ZMYM3: variants seen among roughly 807,000 people sequenced by gnomAD.
ZMYM3 encodes the protein zinc finger MYM-type containing 3, also known as zinc finger MYM-type protein 3.
A neutral mutation model predicts 94.2 loss-of-function variants in ZMYM3; 6 were observed. The observed-to-expected ratio is 0.06, with a 90% CI of 0.03 to 0.13. The LOEUF is 0.13. ZMYM3 is among the 10% of genes least tolerant of loss of function. ZMYM3 has a pLI of 1.00. For missense variants in ZMYM3, 664 were observed against 1,132.6 expected (o/e 0.59, Z 5.94); for synonymous variants, 420 against 426.5 (o/e 0.98, Z 0.19).
chrX:71,251,877 T>C (rs1399823144), intron 2 of ZMYM3: 26 of 749,126 alleles, frequency 3.5e-5, no homozygotes, highest in Non-Finnish European at 3.9e-5. Flanking sequence ...ACACAGGTAA[T>C]ATACCTTTCA....
In ZMYM3 at chrX:71,253,124, T is replaced by G. The variant is rs1442749014; in HGVS notation, c.132A>C (p.Gly44=). ...LLESQTAPTR[G]WAPPGPSPSS... is the part of the protein sequence containing the mutation. ...ATGGAGAAGGGCCAGGGGGGGCCCA[T>G]CCTCGAGTTGGGGCAGTCTGGGATT... Residue 44 remains glycine, a synonymous_variant, in exon 2 of 25, where the codon GGA becomes GGC. Coordinates refer to ENST00000314425, the MANE Select transcript of ZMYM3 (RefSeq NM_201599.3). The G allele has an allele frequency of 1.7e-6, 2 of 1,205,228 alleles. No individual in the cohort carries two copies. The highest frequency in any genetic ancestry group is 2.2e-6 in the Non-Finnish European group (2 of 892,189).
rs1363935532 is a variant in ZMYM3, at chrX:71,241,389, C to T, written c.3803-45G>A. ...TTCAGACTCATTAAGAACACAGGCTCCATGAGCCACATCCAAGAGCACAGT... is the reference window on the plus strand; with the variant it reads ...TTCAGACTCATTAAGAACACAGGCTTCATGAGCCACATCCAAGAGCACAGT... On this transcript the variant is annotated intron_variant, in intron 23 of 24. Coordinates refer to ENST00000314425, the MANE Select transcript of ZMYM3 (RefSeq NM_201599.3). 3.9e-6 allele frequency: 4 copies of T among 1,025,194 alleles called. No homozygotes were observed. In the East Asian group the frequency reaches 1.3e-4, roughly 33 times the overall value. 84.5% of individuals were successfully genotyped at this position (1,025,194 alleles called of 1,213,427 possible). A position where few individuals can be genotyped will look rare whatever the true frequency, so the allele number is the denominator to read the frequency against.
intron 19 of ZMYM3, 47 bp from the exon 20 acceptor site, chrX:71,244,517 G>A (rs2030078807): frequency 7.6e-6 from 9 of 1,184,837 alleles, no homozygotes; most frequent in Non-Finnish European, 1.0e-5. Context: ...AAGGCCAGAG[G>A]CAAGGTGAAA....
chrX:71,249,029 T>C lies in ZMYM3; in HGVS notation c.1611A>G (p.Ala537=), dbSNP rs1033294537. 2 of 1,211,537 alleles carry C rather than the reference T, an allele frequency of 1.7e-6. No individual in the cohort carries two copies. The highest frequency in any genetic ancestry group is 2.2e-6 in the Non-Finnish European group (2 of 895,504). The part of the protein sequence containing the change: ...CCTTSYKVKQ[A]GLTGPPRPCS... Reference sequence around the variant, plus strand: ...GGGCTTTGCACCTACCAGTGAGCCCTGCCTGCTTCACTTTGTAAGAAGTGG... The same window carrying C: ...GGGCTTTGCACCTACCAGTGAGCCCCGCCTGCTTCACTTTGTAAGAAGTGG... Residue 537 remains alanine (A), a synonymous_variant, in exon 8 of 25, where the codon GCA becomes GCG. Transcript: ENST00000314425.
intron 20 of ZMYM3, 52 bp downstream of exon 20, chrX:71,244,250 C>A: frequency 8.5e-7 from 1 of 1,172,032 alleles, no homozygotes. Context: ...TCCCCTTTCC[C>A]CTCCTCCTCC....
chrX:71,242,156 G>A lies in ZMYM3; in HGVS notation c.3802+14C>T. The A allele has an allele frequency of 8.5e-7, 1 of 1,170,074 alleles. No individual in the cohort carries two copies. Among genetic ancestry groups the A allele is most frequent in the Non-Finnish European group, 1.1e-6 (1 of 874,081 alleles). On this transcript the variant is annotated intron_variant, in intron 23 of 24. Transcript: ENST00000314425. ...AGAAGGGGCAAAAGCACAGGGGAGG[G>A]GGCAGCCTCGTACCTCGCCCTTTCC...
chrX:71,255,077 A>G (rs1602372472), upstream of ZMYM3: 1 of 74,941 alleles, frequency 1.3e-5, no homozygotes, highest in Non-Finnish European at 2.5e-5. Flanking sequence ...CTCCCTCACC[A>G]GGGCTGATCT....
At position 71,251,542 on chromosome X, in the gene ZMYM3, A is replaced by C; in HGVS notation, c.711+16T>G. On this transcript the variant is annotated intron_variant, in intron 3 of 24. Coordinates refer to ENST00000314425, the MANE Select transcript of ZMYM3 (RefSeq NM_201599.3). ...CTAAGGGGGAACCAGACTCCTTCCA[A>C]TCCCCTCCCCCTCACCCGTTCAGGC... 8.4e-7 allele frequency: 1 copy of C among 1,184,398 alleles called. No homozygotes were observed. The highest frequency in any genetic ancestry group is 1.1e-6 in the Non-Finnish European group (1 of 881,854).
chrX:71,251,254 G>A lies in ZMYM3; in HGVS notation c.712-10C>T, dbSNP rs1372881959. 8.4e-7 allele frequency: 1 copy of A among 1,197,409 alleles called. No homozygotes were observed. The highest frequency in any genetic ancestry group is 1.8e-5 in the African/African-American group (1 of 54,979). On this transcript the variant is annotated splice_polypyrimidine_tract_variant and intron_variant, in intron 3 of 24. Coordinates refer to ENST00000314425, the MANE Select transcript of ZMYM3 (RefSeq NM_201599.3). ...CGCGCTCGCTTCTCTTCTGTACCTC[G>A]GAAAGATGGGAGGGGAGGAAAACTG...
intron 4 of ZMYM3, 145 bp from the exon 5 acceptor site, chrX:71,250,871 C>T: frequency 1.7e-6 from 1 of 603,248 alleles, no homozygotes; most frequent in South Asian, 3.0e-5. Flanking sequence ...ATCTTAAGAC[C>T]TTGGTGTCTC....
At position 71,250,451 on chromosome X, in the gene ZMYM3, T is replaced by C; in HGVS notation, c.1054A>G (p.Thr352Ala). The C allele has an allele frequency of 8.3e-7, 1 of 1,209,621 alleles. No individual in the cohort carries two copies. The highest frequency in any genetic ancestry group is 1.1e-6 in the Non-Finnish European group (1 of 894,470). Residue 352 changes from threonine (T) to alanine (A), a missense_variant, in exon 5 of 25, where the codon ACC becomes GCC. This residue lies in a region of ZMYM3 where 51 missense variants were observed against 53.0 expected (regional missense o/e 0.96). Coordinates refer to ENST00000314425, the MANE Select transcript of ZMYM3 (RefSeq NM_201599.3). ...ACGCACTTCTTGCAGAAGGTACAGGTCTTTTTGCCCGAGGGCTTCTTGGAG... is the reference window on the plus strand; with the variant it reads ...ACGCACTTCTTGCAGAAGGTACAGGCCTTTTTGCCCGAGGGCTTCTTGGAG... ...TFSKKPSGKK[T>A]CTFCKKEIWN...
Position 71,253,058 on chromosome X carries a change from C to T in ZMYM3, c.198G>A (p.Leu66=). Residue 66 remains leucine (L), a synonymous_variant, in exon 2 of 25, where the codon CTG becomes CTA. Coordinates refer to ENST00000314425, the MANE Select transcript of ZMYM3 (RefSeq NM_201599.3). ...CATCCAGGACTCCAGGGTCTTTTTC[C>T]AGGCCAGCAGGGGTATCAAGCAGGT... ...ALDLLDTPAG[L]EKDPGVLDGA... The T allele has an allele frequency of 8.3e-7, 1 of 1,198,305 alleles. No individual in the cohort carries two copies. The highest frequency in any genetic ancestry group is 1.1e-6 in the Non-Finnish European group (1 of 888,451).
intron 13 of ZMYM3, 140 bp from the exon 14 acceptor site, chrX:71,246,832 G>T: frequency 1.9e-6 from 1 of 529,284 alleles, no homozygotes; most frequent in Non-Finnish European, 3.0e-6. Flanking sequence ...TGCCATCCCA[G>T]ATCTAGTCTC....
rs1162485600 is a variant in ZMYM3, at chrX:71,252,988, G to T, written c.268C>A (p.Pro90Thr). 8.3e-7 allele frequency: 1 copy of T among 1,207,879 alleles called. No homozygotes were observed. The highest frequency in any genetic ancestry group is 1.1e-6 in the Non-Finnish European group (1 of 894,291). Residue 90 changes from proline to threonine, a missense_variant, in exon 2 of 25, where the codon CCC becomes ACC. Pro to Thr is a conservative substitution (Grantham distance 38, BLOSUM62 -1). Coordinates refer to ENST00000314425, the MANE Select transcript of ZMYM3 (RefSeq NM_201599.3). The stretch of plus-strand genomic sequence containing the variant: ...CCGTGGTCCACCTCCGGGGGAGAGG[G>T]GGCTTTATAGAGCAGCCCCCCCAGC... Reference protein sequence around the residue: ...LGLGGLLYKAPSPPEVDHGPE... With the variant: ...LGLGGLLYKATSPPEVDHGPE...
intron 8 of ZMYM3, 28 bp downstream of exon 8, chrX:71,248,991 G>A (rs779552545): frequency 1.7e-6 from 2 of 1,207,157 alleles, no homozygotes; most frequent in Non-Finnish European, 2.2e-6. Flanking sequence ...GCCAGCAGGG[G>A]ACTCAGAGAA....
At chrX:71,250,273 T>A in intron 5 of ZMYM3, 70 bp from the exon 6 acceptor site, 1 of 1,106,340 alleles carries the variant, frequency 9.0e-7, no homozygotes, top group Non-Finnish European at 1.2e-6. Context: ...CCGCCCCTCC[T>A]CCAGGATCAA....
intron 10 of ZMYM3, 57 bp from the exon 11 acceptor site, chrX:71,248,369 G>A: frequency 8.4e-7 from 1 of 1,192,992 alleles, no homozygotes; most frequent in Non-Finnish European, 1.1e-6. Context: ...CCCAGCAGGG[G>A]CCAAGTGGAA....
rs766460870 is a variant in ZMYM3, at chrX:71,247,853, T to C, written c.2029A>G (p.Ile677Val). ...DFTKKLGLCC[I>V]TCTYCSQTCQ... ...GTCTGGGAGCAGTAAGTACAAGTGATACAGCACAAGCCCAGCTTCTTAGTG... is the reference window on the plus strand; with the variant it reads ...GTCTGGGAGCAGTAAGTACAAGTGACACAGCACAAGCCCAGCTTCTTAGTG... The change falls in exon 12 of 25, where the codon ATC becomes GTC. Residue 677 changes from isoleucine (I) to valine (V), a missense_variant. Physicochemically the swap from Ile to Val is conservative, Grantham distance 29. Transcript: ENST00000314425. 8.3e-7 allele frequency: 1 copy of C among 1,208,007 alleles called. No individual in the cohort carries two copies. The highest frequency in any genetic ancestry group is 1.8e-5 in the South Asian group (1 of 56,156).
rs1184331610 is a variant in ZMYM3 at position 71,252,677 on chromosome X, A to T, written c.579T>A (p.Pro193=). ...QPQSPNAPPS[P]SVGETLGDGI... is the part of the protein sequence containing the mutation. ...CATCCCCCAGAGTCTCTCCCACTGA[A>T]GGGCTAGGCGGGGCATTTGGGCTCT... Residue 193 remains proline (P), a synonymous_variant, in exon 2 of 25, where the codon CCT becomes CCA. Transcript: ENST00000314425. 1.8e-5 allele frequency: 21 copies of T among 1,181,886 alleles called. No individual in the cohort carries two copies. The highest frequency in any genetic ancestry group is 2.3e-5 in the Non-Finnish European group (20 of 882,917).
Sources: gnomAD v4.1 joint callset for allele counts on GRCh38, gnomAD v4.1.1 for gene constraint, gnomAD v4.1.1 regional missense constraint, MANE v1.5 for transcripts, NCBI Gene and HGNC (gene_info 2026-07-23, HGNC 2026-07-21) for gene names.